The following NELL2 variants were observed in gnomAD, a reference collection of about 807,000 sequenced individuals.
The protein encoded by NELL2 is protein kinase C-binding protein NELL2.
A neutral mutation model predicts 109.6 loss-of-function variants in NELL2; 41 were observed. The observed-to-expected ratio is 0.37, with a 90% CI of 0.29 to 0.49. NELL2 has a LOEUF of 0.49. NELL2 is among the 20% of genes least tolerant of loss of function. The pLI, the probability that NELL2 is intolerant of heterozygous loss-of-function variation, is 0.98. For missense variants in NELL2, 900 were observed against 1,008.3 expected (o/e 0.89, Z 1.45); for synonymous variants, 355 against 344.7 (o/e 1.03, Z -0.33).
At chr12:44,607,590 C>A (rs1331459612) in intron 14 of NELL2, among the ~76,000 whole-genome samples, 1 of 151,944 alleles carries the variant, frequency 6.6e-6, no homozygotes, top group Non-Finnish European at 1.5e-5. Flanking sequence ...TGAAAATAAA[C>A]CTGAAAATGG....
chr12:44,768,321 T>C (rs1249086616), intron 9 of NELL2, among the ~76,000 whole-genome samples: 2 of 152,006 alleles, frequency 1.3e-5, no homozygotes, highest in African/African-American at 4.8e-5. Flanking sequence ...GGGTTTTTTT[T>C]TTAATTAAGA....
intron 15 of NELL2, among the ~76,000 whole-genome samples, chr12:44,570,245 G>C (rs1476413225): frequency 6.6e-6 from 1 of 152,172 alleles, no homozygotes; most frequent in Non-Finnish European, 1.5e-5. Context: ...GTGAGCAAAA[G>C]GAAATTTAAT....
At chr12:44,745,437 G>C (rs913407888) in intron 9 of NELL2, among the ~76,000 whole-genome samples, 2 of 152,160 alleles carry the variant, frequency 1.3e-5, no homozygotes, top group African/African-American at 4.8e-5. Flanking sequence ...CATAGTGTTG[G>C]AGGTTCTGGC....
intron 9 of NELL2, among the ~76,000 whole-genome samples, chr12:44,743,544 T>C (rs1669666296): frequency 6.6e-6 from 1 of 152,076 alleles, no homozygotes; most frequent in Non-Finnish European, 1.5e-5. Flanking sequence ...TGTGCTGTAT[T>C]CAGGAAACCC....
At chr12:44,613,101 T>A (rs182750636) in intron 13 of NELL2, among the ~76,000 whole-genome samples, 2 of 152,182 alleles carry the variant, frequency 1.3e-5, no homozygotes, top group East Asian at 3.9e-4. Flanking sequence ...CAGATTCTCC[T>A]GGAAAACACT....
At chr12:44,636,407 T>C (rs754510465) in intron 13 of NELL2, among the ~76,000 whole-genome samples, 1 of 152,204 alleles carries the variant, frequency 6.6e-6, no homozygotes, top group Non-Finnish European at 1.5e-5. Context: ...CAGTATGATA[T>C]TGGCTATGAG....
chr12:44,887,090 T>C (rs1945482360), intron 1 of NELL2, among the ~76,000 whole-genome samples: 2 of 152,202 alleles, frequency 1.3e-5, no homozygotes, highest in African/African-American at 4.8e-5. Flanking sequence ...GGAGTGCGTA[T>C]GCCTTTTTGA....
intron 5 of NELL2, among the ~76,000 whole-genome samples, chr12:44,779,213 C>T (rs1306295148): frequency 6.6e-6 from 1 of 152,164 alleles, no homozygotes; most frequent in Non-Finnish European, 1.5e-5. Flanking sequence ...TCTCTTTTGA[C>T]AGATTTGTGC....
chr12:44,690,616 A>C (rs1328242365), intron 12 of NELL2, among the ~76,000 whole-genome samples: 2 of 152,112 alleles, frequency 1.3e-5, no homozygotes, highest in Non-Finnish European at 2.9e-5. Flanking sequence ...CATCAATCAC[A>C]ATTCTCATTT....
At chr12:44,615,609 C>T (rs1393526898) in intron 13 of NELL2, among the ~76,000 whole-genome samples, 1 of 151,850 alleles carries the variant, frequency 6.6e-6, no homozygotes, top group Non-Finnish European at 1.5e-5. Flanking sequence ...TTGTGTTTTT[C>T]CCAATCTATT....
At position 44,665,586 on chromosome 12, in the gene NELL2, G is replaced by A. The variant is rs183846411; in HGVS notation, c.1342C>T (p.Arg448Cys). ...ATTGTATTTTCACGACAGTAATGGC[G>A]CCCTTCAGCACACTCATCGATGTCT... The part of the protein sequence containing the change: ...CEDIDECAEG[R>C]HYCRENTMCV... The change falls in exon 13 of 20, where the codon CGC becomes TGC. Residue 448 changes from arginine (R) to cysteine (C), a missense_variant. Physicochemically the swap from Arg to Cys is radical, Grantham distance 180. Around this residue, in one of 4 missense-constraint regions of NELL2, gnomAD observed 292 missense variants for 265.3 expected, o/e 1.10. Coordinates refer to ENST00000429094, the MANE Select transcript of NELL2 (RefSeq NM_001145108.2). The A allele has an allele frequency of 3.9e-5, 63 of 1,613,102 alleles. No individual in the cohort carries two copies. Among genetic ancestry groups the A allele is most frequent in the Non-Finnish European group, 5.1e-5 (60 of 1,179,310 alleles).
At chr12:44,643,900 C>A (rs1047927477) in intron 13 of NELL2, among the ~76,000 whole-genome samples, 1 of 152,024 alleles carries the variant, frequency 6.6e-6, no homozygotes, top group African/African-American at 2.4e-5. Context: ...ACTTAAAAGA[C>A]CTTAAACAGG....
chr12:44,801,872 G>A (rs1942840736), intron 3 of NELL2, among the ~76,000 whole-genome samples: 3 of 151,926 alleles, frequency 2.0e-5, no homozygotes, highest in South Asian at 4.1e-4. Flanking sequence ...CCATCTATAC[G>A]AGATGTGCTG....
intron 9 of NELL2, among the ~76,000 whole-genome samples, chr12:44,730,940 T>C (rs61488065): frequency 0.074 from 11,285 of 151,966 alleles, 1,356 homozygotes; most frequent in African/African-American, 0.25. Context: ...ACACAGGAAA[T>C]GTTACAACCA....
intron 15 of NELL2, among the ~76,000 whole-genome samples, chr12:44,540,395 A>C (rs866486405): frequency 6.6e-6 from 1 of 152,164 alleles, no homozygotes; most frequent in African/African-American, 2.4e-5. Flanking sequence ...TTTATGTGAT[A>C]ATTTGGTATG....
intron 15 of NELL2, among the ~76,000 whole-genome samples, chr12:44,536,172 G>T (rs1261084598): frequency 6.6e-6 from 1 of 151,878 alleles, no homozygotes; most frequent in Non-Finnish European, 1.5e-5. Context: ...TAAAGCCAAA[G>T]ATCTAATAAA....
intron 9 of NELL2, among the ~76,000 whole-genome samples, chr12:44,750,515 G>T (rs571140402): frequency 6.6e-6 from 1 of 152,082 alleles, no homozygotes; most frequent in Non-Finnish European, 1.5e-5. Context: ...CTATGAACAG[G>T]TAAGGATTAC....
intron 9 of NELL2, among the ~76,000 whole-genome samples, chr12:44,729,059 T>C (rs1939228050): frequency 6.6e-6 from 1 of 152,068 alleles, no homozygotes; most frequent in Non-Finnish European, 1.5e-5. Context: ...CTGGTAAAGG[T>C]AAATATACAG....
intron 13 of NELL2, among the ~76,000 whole-genome samples, chr12:44,620,854 C>T (rs1245615796): frequency 6.6e-6 from 1 of 152,120 alleles, no homozygotes; most frequent in East Asian, 1.9e-4. Context: ...ACAACACTGT[C>T]TCCAGTTTGG....
Sources: gnomAD v4.1 joint callset for allele counts (sites outside exome capture counted in the v4.1 genomes callset) on GRCh38, gnomAD v4.1.1 for gene constraint, gnomAD v4.1.1 regional missense constraint, MANE v1.5 for transcripts, NCBI Gene and HGNC (gene_info 2026-07-23, HGNC 2026-07-21) for gene names.